Variants in DNER observed in about 807,000 individuals in gnomAD.
DNER encodes the protein delta and Notch-like epidermal growth factor-related receptor.
DNER carries 33 observed loss-of-function variants against 78.2 expected under a neutral mutation model. The observed-to-expected ratio is 0.42, with a 90% CI of 0.32 to 0.56. The LOEUF (loss-of-function observed/expected upper bound fraction) is 0.56, where lower values mean the gene tolerates loss of function less well. Ranked by LOEUF, DNER falls within the 20% of genes least tolerant of loss-of-function variation. The pLI, the probability that DNER is intolerant of heterozygous loss-of-function variation, is 0.11. For synonymous variants in DNER, 417 were observed against 384.8 expected, an observed-to-expected ratio of 1.08 and a Z score of -0.98; for missense variants, 918 against 975.3, an observed-to-expected ratio of 0.94 and a Z score of 0.78.
intron 10 of DNER, among the ~76,000 whole-genome samples, chr2:229,403,460 T>G (rs533110096): frequency 1.3e-5 from 2 of 152,178 alleles, no homozygotes; most frequent in Non-Finnish European, 2.9e-5. Context: ...TGTCCCACAT[T>G]TATTTGGCCA....
intron 8 of DNER, among the ~76,000 whole-genome samples, chr2:229,429,243 C>T (rs1206349981): frequency 6.6e-6 from 1 of 152,142 alleles, no homozygotes; most frequent in Non-Finnish European, 1.5e-5. Flanking sequence ...GTATTTGATG[C>T]TATTTTCTTT....
intron 6 of DNER, among the ~76,000 whole-genome samples, chr2:229,487,124 T>C (rs1398241249): frequency 6.6e-6 from 1 of 152,234 alleles, no homozygotes; most frequent in African/African-American, 2.4e-5. Flanking sequence ...CAAAAAGCCT[T>C]TAGTGATTGC....
At chr2:229,708,932 A>T (rs1699868873) in intron 1 of DNER, among the ~76,000 whole-genome samples, 1 of 152,222 alleles carries the variant, frequency 6.6e-6, no homozygotes, top group Non-Finnish European at 1.5e-5. Flanking sequence ...CTTTCATTTC[A>T]AAAGAAAACT....
intron 5 of DNER, among the ~76,000 whole-genome samples, chr2:229,532,548 T>A (rs1029320003): frequency 6.6e-6 from 1 of 152,168 alleles, no homozygotes; most frequent in Non-Finnish European, 1.5e-5. Context: ...CTCCCCACCA[T>A]CATCACTGTC....
At chr2:229,587,026 G>C (rs971233996) in intron 3 of DNER, 3 of 982,098 alleles carry the variant, frequency 3.1e-6, no homozygotes, top group Non-Finnish European at 3.6e-6. Context: ...CTGCTAATTC[G>C]GTCCCGTTCT....
intron 5 of DNER, among the ~76,000 whole-genome samples, chr2:229,537,751 CTTT>C (rs200574269): frequency 2.0e-5 from 3 of 151,434 alleles, no homozygotes; most frequent in Non-Finnish European, 2.9e-5. Flanking sequence ...TTCTTTTTTT[CTTT>C]TTTATTATTA....
Position 229,411,529 on chromosome 2 carries a change from C to A in DNER, c.1610-4184G>T, listed in dbSNP as rs1409227411. ...CCAAGATAGCGCCATTGCACTCCAG[C>A]CTGGGTGACAGAGCAAGACTCTGTT... On this transcript the variant is annotated intron_variant, in intron 9 of 12. Coordinates refer to ENST00000341772, the MANE Select transcript of DNER (RefSeq NM_139072.4). 2.6e-5 allele frequency among the ~76,000 whole-genome samples: 4 copies of A among 152,074 alleles called. No homozygotes were observed. The South Asian group carries it at 6.2e-4, about 24-fold the overall frequency.
chr2:229,486,695 AT>A (rs1343233055), intron 6 of DNER, among the ~76,000 whole-genome samples: 1 of 152,184 alleles, frequency 6.6e-6, no homozygotes. Flanking sequence ...GTGGCTCAAT[AT>A]TTTTTGAGTG....
At chr2:229,364,505 G>A (rs1006897243) in intron 12 of DNER, among the ~76,000 whole-genome samples, 7 of 152,226 alleles carry the variant, frequency 4.6e-5, no homozygotes, top group South Asian at 4.1e-4. Context: ...GCCTCAGTTC[G>A]CTCTGAAAGG....
chr2:229,565,053 AAGCCCC>A (rs1697077469), intron 4 of DNER, among the ~76,000 whole-genome samples: 1 of 152,098 alleles, frequency 6.6e-6, no homozygotes, highest in Admixed American at 6.6e-5. Context: ...CACCTCTCAA[AAGCCCC>A]AGCTGCAAAC....
intron 10 of DNER, among the ~76,000 whole-genome samples, chr2:229,393,870 A>G (rs1037588929): frequency 6.8e-6 from 1 of 146,728 alleles, no homozygotes; most frequent in Non-Finnish European, 1.5e-5. Context: ...AAACAAAAAC[A>G]AAAACAAAAA....
At chr2:229,424,825 G>A (rs999014036) in intron 8 of DNER, among the ~76,000 whole-genome samples, 3 of 152,034 alleles carry the variant, frequency 2.0e-5, no homozygotes, top group African/African-American at 7.3e-5. Flanking sequence ...GATCATAATC[G>A]CGGGGAGCTT....
chr2:229,383,464 T>C (rs981471315), intron 11 of DNER, among the ~76,000 whole-genome samples: 5 of 152,180 alleles, frequency 3.3e-5, no homozygotes, highest in African/African-American at 1.2e-4. Flanking sequence ...AGACACACAG[T>C]GGCAAATTGC....
intron 1 of DNER, chr2:229,606,280 G>T (rs1168798694): frequency 6.6e-6 from 1 of 152,004 alleles, no homozygotes; most frequent in Non-Finnish European, 1.5e-5. Context: ...AGGCTTTCTG[G>T]TTTTTACAGG....
At chr2:229,456,986 C>A (rs1694588879) in intron 7 of DNER, among the ~76,000 whole-genome samples, 1 of 152,022 alleles carries the variant, frequency 6.6e-6, no homozygotes, top group African/African-American at 2.4e-5. Flanking sequence ...TCACCAAGAT[C>A]TACAGAAGCA....
At chr2:229,449,896 C>T (rs1212439738) in intron 7 of DNER, among the ~76,000 whole-genome samples, 2 of 152,218 alleles carry the variant, frequency 1.3e-5, no homozygotes, top group African/African-American at 4.8e-5. Flanking sequence ...ATTCTCCTGC[C>T]TCAGCCTCCT....
intron 4 of DNER, among the ~76,000 whole-genome samples, chr2:229,551,214 T>C (rs2154213338): frequency 6.6e-6 from 1 of 152,350 alleles, no homozygotes; most frequent in Non-Finnish European, 1.5e-5. Context: ...CTGTTTGTCT[T>C]TTCTGTTTGT....
At chr2:229,393,716 G>A (rs929104440) in intron 10 of DNER, among the ~76,000 whole-genome samples, 8 of 151,500 alleles carry the variant, frequency 5.3e-5, no homozygotes, top group South Asian at 2.1e-4. Flanking sequence ...GCGTGGTGGC[G>A]GGCGCCTGTA....
chr2:229,664,878 GA>G (rs1289600901), intron 1 of DNER, among the ~76,000 whole-genome samples: 1 of 151,936 alleles, frequency 6.6e-6, no homozygotes, highest in Non-Finnish European at 1.5e-5. Flanking sequence ...CTATGAAAAG[GA>G]AAAAATTTGG....
Sources: allele counts gnomAD v4.1 joint callset (sites outside exome capture counted in the v4.1 genomes callset), GRCh38; gene constraint gnomAD v4.1.1; transcripts MANE v1.5; gene names NCBI Gene and HGNC (gene_info 2026-07-23, HGNC 2026-07-21).